AUTS2: variants seen among roughly 807,000 people sequenced by gnomAD.
AUTS2 encodes activator of transcription and developmental regulator AUTS2.
Under a neutral mutation model 112.4 loss-of-function variants are expected in AUTS2, and 17 were observed. The observed-to-expected ratio is 0.15, with a 90% confidence interval of 0.10 to 0.23. The LOEUF (loss-of-function observed/expected upper bound fraction) is 0.23. Among genes scored for constraint, AUTS2 ranks in the 10% least tolerant of loss-of-function variants. The pLI is 1.00. For synonymous variants in AUTS2, 751 were observed against 702.7 expected, an observed-to-expected ratio of 1.07 and a Z score of -1.09; for missense variants, 1,510 against 1,701.6, an observed-to-expected ratio of 0.89 and a Z score of 1.98.
chr7:69,752,131 G>A (rs146669643), intron 1 of AUTS2, among the ~76,000 whole-genome samples: 439 of 152,306 alleles, frequency 2.9e-3, no homozygotes, highest in Non-Finnish European at 5.2e-3. Context: ...TTTCTTTTGA[G>A]TTCACTGGTC....
chr7:70,603,449 A>G (rs1803576871), intron 5 of AUTS2, among the ~76,000 whole-genome samples: 1 of 152,206 alleles, frequency 6.6e-6, no homozygotes, highest in African/African-American at 2.4e-5. Flanking sequence ...AAAGTGCTTC[A>G]GTCTAGAACA....
chr7:70,338,832 T>TA (rs1791112904), intron 4 of AUTS2, among the ~76,000 whole-genome samples: 1 of 76,302 alleles, frequency 1.3e-5, no homozygotes, highest in African/African-American at 4.9e-5. Flanking sequence ...CAGCCTCATC[T>TA]CTTATTTATT....
chr7:70,050,658 C>T (rs1488484039), intron 2 of AUTS2, among the ~76,000 whole-genome samples: 1 of 152,016 alleles, frequency 6.6e-6, no homozygotes, highest in Non-Finnish European at 1.5e-5. Flanking sequence ...TCTAACTTCC[C>T]CATCCCACTC....
Position 70,435,793 on chromosome 7 carries a change from C to CCTCCCCCATTGT in AUTS2, c.690+13_690+24dup. On this transcript the variant is annotated intron_variant, in intron 5 of 18. Transcript: ENST00000342771. The stretch of plus-strand genomic sequence containing the variant: ...ACCAGGAAGAGAAGGTAAGACCCCC[C>CCTCCCCCATTGT]CTCCCCCATTGTGGGCACAGCACAT... 1.2e-6 allele frequency: 2 copies of CCTCCCCCATTGT among 1,613,666 alleles called. No individual in the cohort carries two copies. Among genetic ancestry groups the CCTCCCCCATTGT allele is most frequent in the Non-Finnish European group, 1.7e-6 (2 of 1,179,606 alleles).
chr7:70,259,641 G>C (rs1406083244), intron 4 of AUTS2, among the ~76,000 whole-genome samples: 3 of 152,194 alleles, frequency 2.0e-5, no homozygotes, highest in Non-Finnish European at 2.9e-5. Flanking sequence ...AGTCACCCTT[G>C]GCATATGCCA....
chr7:70,306,307 A>G (rs1789490902), intron 4 of AUTS2, among the ~76,000 whole-genome samples: 1 of 152,218 alleles, frequency 6.6e-6, no homozygotes, highest in African/African-American at 2.4e-5. Context: ...GCTGCTAAGT[A>G]AAACTGGTCT....
chr7:70,222,141 T>G (rs1305519165), intron 4 of AUTS2, among the ~76,000 whole-genome samples: 2 of 152,232 alleles, frequency 1.3e-5, no homozygotes, highest in Admixed American at 6.5e-5. Flanking sequence ...TCTATTATGC[T>G]CCAGCATTTT....
At chr7:70,665,324 T>C (rs1256757209) in intron 5 of AUTS2, among the ~76,000 whole-genome samples, 1 of 151,996 alleles carries the variant, frequency 6.6e-6, no homozygotes, top group Non-Finnish European at 1.5e-5. Context: ...AGTGCAGTGG[T>C]GTGATCATGG....
At chr7:70,515,208 A>G (rs1419803331) in intron 5 of AUTS2, among the ~76,000 whole-genome samples, 1 of 152,168 alleles carries the variant, frequency 6.6e-6, no homozygotes, top group Non-Finnish European at 1.5e-5. Context: ...ATGAGGAATA[A>G]CATGATCAGA....
intron 5 of AUTS2, among the ~76,000 whole-genome samples, chr7:70,605,251 A>G (rs1803669797): frequency 6.6e-6 from 1 of 152,218 alleles, no homozygotes; most frequent in Admixed American, 6.5e-5. Flanking sequence ...TTTCCTTGGA[A>G]ATGCTGAGAA....
At chr7:69,689,461 C>T (rs995817738) in intron 1 of AUTS2, among the ~76,000 whole-genome samples, 1 of 139,954 alleles carries the variant, frequency 7.1e-6, no homozygotes, top group African/African-American at 2.7e-5. Flanking sequence ...AGCGATTCTT[C>T]TGCCTCAGCT....
At chr7:69,893,954 C>A (rs1286758325) in intron 1 of AUTS2, among the ~76,000 whole-genome samples, 1 of 152,110 alleles carries the variant, frequency 6.6e-6, no homozygotes, top group African/African-American at 2.4e-5. Context: ...AGCAAGATCG[C>A]CTATTTTGAA....
At chr7:70,437,481 T>C (rs1795941906) in intron 5 of AUTS2, 1 of 152,222 alleles carries the variant, frequency 6.6e-6, no homozygotes, top group African/African-American at 2.4e-5. Context: ...TCTAAGTCTG[T>C]GCCACTTTTC....
At chr7:69,690,868 C>T (rs1797310957) in intron 1 of AUTS2, among the ~76,000 whole-genome samples, 1 of 152,198 alleles carries the variant, frequency 6.6e-6, no homozygotes, top group African/African-American at 2.4e-5. Flanking sequence ...GATACGTGGA[C>T]AACCAGAGGG....
intron 4 of AUTS2, among the ~76,000 whole-genome samples, chr7:70,430,206 C>T (rs1264414083): frequency 6.6e-6 from 1 of 152,120 alleles, no homozygotes; most frequent in East Asian, 1.9e-4. Flanking sequence ...TCTTCACTTA[C>T]GCAGTTGAGT....
chr7:70,114,986 G>C (rs1805284218), intron 2 of AUTS2, among the ~76,000 whole-genome samples: 1 of 152,106 alleles, frequency 6.6e-6, no homozygotes, highest in South Asian at 2.1e-4. Flanking sequence ...AGGAGAAGGG[G>C]GTGGTGTAGG....
chr7:69,986,546 T>C (rs1798522039), intron 2 of AUTS2, among the ~76,000 whole-genome samples: 2 of 152,240 alleles, frequency 1.3e-5, no homozygotes, highest in Admixed American at 1.3e-4. Context: ...AGAATGTTAC[T>C]GCTCTTGGCC....
In AUTS2 at chr7:70,254,215, G is replaced by A. The variant is rs1292848222; in HGVS notation, c.660+119644G>A. On this transcript the variant is annotated intron_variant, in intron 4 of 18. Transcript: ENST00000342771. ...AAATAGCCATGATCCTGCCAAACAC[G>A]GACACTCTGCAACCTGGAACAAAAT... Among the ~76,000 whole-genome samples the A allele has an allele frequency of 3.3e-5, 5 of 152,018 alleles. No individual in the cohort carries two copies. In the East Asian group the frequency reaches 7.7e-4, roughly 23 times the overall value.
At chr7:69,986,717 T>C in intron 2 of AUTS2, among the ~76,000 whole-genome samples, 1 of 152,204 alleles carries the variant, frequency 6.6e-6, no homozygotes, top group East Asian at 1.9e-4. Context: ...TCTGGACAGT[T>C]ATCCAAATTT....
Sources: allele counts gnomAD v4.1 joint callset (sites outside exome capture counted in the v4.1 genomes callset), GRCh38; gene constraint gnomAD v4.1.1; transcripts MANE v1.5; gene names NCBI Gene and HGNC (gene_info 2026-07-23, HGNC 2026-07-21).